ITPR2: variants seen among roughly 807,000 people sequenced by gnomAD.
ITPR2 encodes the protein inositol 1,4,5-trisphosphate-gated calcium channel ITPR2.
Under a neutral mutation model 317.1 loss-of-function variants are expected in ITPR2, and 207 were observed. The observed-to-expected ratio is 0.65, with a 90% CI of 0.58 to 0.73. The LOEUF (loss-of-function observed/expected upper bound fraction) is 0.73. Ranked by LOEUF, ITPR2 falls within the 30% of genes least tolerant of loss-of-function variation. The pLI is 0.00. For missense variants in ITPR2, 2,613 were observed against 3,284.0 expected (o/e 0.80, Z 4.99); for synonymous variants, 1,156 against 1,149.1 (o/e 1.01, Z -0.12).
intron 21 of ITPR2, among the ~76,000 whole-genome samples, chr12:26,647,826 A>G (rs1481265279): frequency 1.3e-5 from 2 of 152,362 alleles, no homozygotes; most frequent in Middle Eastern, 3.4e-3. Flanking sequence ...CTTCTATTTC[A>G]CTACAGTGAA....
At chr12:26,459,804 T>A (rs566188122) in intron 45 of ITPR2, among the ~76,000 whole-genome samples, 1 of 152,304 alleles carries the variant, frequency 6.6e-6, no homozygotes, top group East Asian at 1.9e-4. Context: ...ACATCTATGC[T>A]CCAAGCCTAG....
Position 26,481,149 on chromosome 12 carries a change from G to A in ITPR2, c.6105C>T (p.Asp2035=). ...GCTCTACCTTTAGCTGGAGCACCAG[G>A]TCCATTCGGTATTTACCAAGAGGGT... ...DINPLGKYRM[D]LVLQLKNNAS... The change falls in exon 43 of 57, where the codon GAC becomes GAT. Residue 2035 remains aspartate, a synonymous_variant. Coordinates refer to ENST00000381340, the MANE Select transcript of ITPR2 (RefSeq NM_002223.4). 6.2e-7 allele frequency: 1 copy of A among 1,608,676 alleles called. No individual in the cohort carries two copies. Among genetic ancestry groups the A allele is most frequent in the Non-Finnish European group, 8.5e-7 (1 of 1,175,106 alleles).
chr12:26,349,690 C>T (rs1226320111), intron 55 of ITPR2, among the ~76,000 whole-genome samples: 1 of 152,266 alleles, frequency 6.6e-6, no homozygotes, highest in Non-Finnish European at 1.5e-5. Context: ...TAGAGACGTG[C>T]ATGGCACCCA....
In ITPR2 at chr12:26,599,129, C is replaced by G; in HGVS notation, c.4002+16G>C. ...CTGTTTAGGTGAAGCTGATAAAAGGCAAACTGAGAACATACCTCTGTCATT... is the reference window on the plus strand; with the variant it reads ...CTGTTTAGGTGAAGCTGATAAAAGGGAAACTGAGAACATACCTCTGTCATT... On this transcript the variant is annotated intron_variant, in intron 30 of 56. Transcript: ENST00000381340. 1 of 1,611,774 alleles carries G rather than the reference C, an allele frequency of 6.2e-7. No homozygotes were observed. Among genetic ancestry groups the G allele is most frequent in the Non-Finnish European group, 8.5e-7 (1 of 1,177,880 alleles).
intron 10 of ITPR2, among the ~76,000 whole-genome samples, chr12:26,692,283 G>A (rs1257402119): frequency 1.3e-5 from 2 of 152,198 alleles, no homozygotes; most frequent in African/African-American, 4.8e-5. Flanking sequence ...TGGGCACATT[G>A]TTAGTTGCCA....
chr12:26,701,372 C>A (rs1421744492), intron 9 of ITPR2, among the ~76,000 whole-genome samples: 1 of 152,112 alleles, frequency 6.6e-6, no homozygotes, highest in Non-Finnish European at 1.5e-5. Context: ...AAATCATAAA[C>A]ATCATGTGTG....
chr12:26,460,859 T>G (rs1942001681), intron 45 of ITPR2, among the ~76,000 whole-genome samples: 2 of 152,168 alleles, frequency 1.3e-5, no homozygotes, highest in Admixed American at 1.3e-4. Flanking sequence ...TAGGGTTCTT[T>G]GTTTGCCCTC....
chr12:26,373,521 T>C (rs1939250001), intron 55 of ITPR2: 1 of 152,236 alleles, frequency 6.6e-6, no homozygotes, highest in Admixed American at 6.5e-5. Context: ...GCTTTTTATG[T>C]CATTTGTATT....
intron 1 of ITPR2, among the ~76,000 whole-genome samples, chr12:26,792,307 A>C (rs1448910552): frequency 6.6e-6 from 1 of 151,938 alleles, no homozygotes; most frequent in East Asian, 1.9e-4. Flanking sequence ...AAACGACAAG[A>C]AGAAGCAAGG....
chr12:26,413,760 T>G (rs1003775087), intron 51 of ITPR2, among the ~76,000 whole-genome samples: 4 of 152,160 alleles, frequency 2.6e-5, no homozygotes, highest in African/African-American at 7.2e-5. Flanking sequence ...GCTTGAAACT[T>G]CTGGTCTACT....
Position 26,611,771 on chromosome 12 carries a change from G to A in ITPR2, c.3463-9065C>T, listed in dbSNP as rs571464821. Among the ~76,000 whole-genome samples the A allele has an allele frequency of 1.7e-4, 26 of 152,304 alleles. 1 individual carries two copies. Among genetic ancestry groups the A allele is most frequent in the South Asian group, 6.2e-4 (3 of 4,822 alleles). The stretch of plus-strand genomic sequence containing the variant: ...ACCCTAAATAAAGCGGTGGATGAAC[G>A]TAAAGGGTAATCCTGACTTAACCTA... On this transcript the variant is annotated intron_variant, in intron 26 of 56. Transcript: ENST00000381340.
intron 21 of ITPR2, among the ~76,000 whole-genome samples, chr12:26,637,201 T>C (rs1723298204): frequency 6.6e-6 from 1 of 152,182 alleles, no homozygotes; most frequent in African/African-American, 2.4e-5. Flanking sequence ...AAGTACCTAA[T>C]GTTCATCTGG....
chr12:26,367,226 AT>A (rs1290067532), intron 55 of ITPR2, among the ~76,000 whole-genome samples: 14 of 98,418 alleles, frequency 1.4e-4, no homozygotes, highest in Middle Eastern at 5.0e-3. Flanking sequence ...GTAAAAAAAT[AT>A]ATCAATGTCA....
rs778138840 is a variant in ITPR2, at chr12:26,602,489, T to C, written c.3559A>G (p.Ile1187Val). ...TGCACACAGAGTTTACTTAGCCTGA[T>C]CAAAATCTTTAAAAGGAAGAGGGAA... is the stretch of plus-strand genomic sequence containing the variant. ...NNYRIVKEIL[I>V]RLSKLCVQNK... The change falls in exon 28 of 57, where the codon ATC becomes GTC. Residue 1187 changes from isoleucine to valine, a missense_variant. Transcript: ENST00000381340. 1.2e-6 allele frequency: 2 copies of C among 1,609,266 alleles called. No individual in the cohort carries two copies. The highest frequency in any genetic ancestry group is 1.1e-5 in the South Asian group (1 of 89,628).
chr12:26,453,761 T>G (rs1294548545), intron 45 of ITPR2, among the ~76,000 whole-genome samples: 1 of 152,182 alleles, frequency 6.6e-6, no homozygotes, highest in African/African-American at 2.4e-5. Flanking sequence ...ATATTTCCCA[T>G]CCACGTCCCC....
chr12:26,427,840 A>G, intron 49 of ITPR2, 73 bp downstream of exon 49: 1 of 991,358 alleles, frequency 1.0e-6, no homozygotes, highest in Non-Finnish European at 1.3e-6. Context: ...TTAAAAGCTT[A>G]TAGTTATATT....
chr12:26,716,267 T>C (rs1467221730), intron 5 of ITPR2, 25 bp from the exon 6 acceptor site: 4 of 1,415,964 alleles, frequency 2.8e-6, no homozygotes, highest in African/African-American at 1.4e-5. Flanking sequence ...TAAATCACAA[T>C]TGAGACACTG....
chr12:26,621,510 T>A (rs1946494052), intron 25 of ITPR2, among the ~76,000 whole-genome samples: 1 of 152,170 alleles, frequency 6.6e-6, no homozygotes, highest in Non-Finnish European at 1.5e-5. Context: ...ATTTCACTGC[T>A]GAAGTTAATT....
At chr12:26,686,340 GAGA>G in intron 11 of ITPR2, 138 bp downstream of exon 11, 1 of 484,266 alleles carries the variant, frequency 2.1e-6, no homozygotes, top group Non-Finnish European at 3.4e-6. Context: ...CCTCACAGAA[GAGA>G]TACAATGTTT....
Sources: allele counts gnomAD v4.1 joint callset (sites outside exome capture counted in the v4.1 genomes callset), GRCh38; gene constraint gnomAD v4.1.1; transcripts MANE v1.5; gene names NCBI Gene and HGNC (gene_info 2026-07-23, HGNC 2026-07-21).